IFT122: variants seen among roughly 807,000 people sequenced by gnomAD.
The protein encoded by IFT122 is intraflagellar transport protein 122 homolog.
Under a neutral mutation model 161.6 loss-of-function variants are expected in IFT122, and 118 were observed. The observed-to-expected ratio is 0.73, with a 90% confidence interval of 0.63 to 0.85. The LOEUF (loss-of-function observed/expected upper bound fraction) is 0.85. Ranked by LOEUF, IFT122 falls within the 40% of genes least tolerant of loss-of-function variation. IFT122 has a pLI of 0.00. For missense variants in IFT122, 1,381 were observed against 1,579.6 expected, an observed-to-expected ratio of 0.87 and a Z score of 2.13; for synonymous variants, 550 against 602.4, an observed-to-expected ratio of 0.91 and a Z score of 1.27.
rs1267889589 is a variant in IFT122, at chr3:129,440,339, C to T, written c.9C>T (p.Ala3=). 6.4e-7 allele frequency: 1 copy of T among 1,550,908 alleles called. No homozygotes were observed. The highest frequency in any genetic ancestry group is 1.2e-5 in the South Asian group (1 of 84,018). MR[A]VLTWRDKAEH... ...CCGTAAGGGAAGCCGTGATGAGGGC[C>T]GTGTTGACGTGGAGAGATAAAGCCG... Residue 3 remains alanine, a synonymous_variant, in exon 1 of 30, where the codon GCC becomes GCT. Transcript: ENST00000348417.
chr3:129,472,450 C>CTGGGAATA (rs2077463738), intron 9 of IFT122, among the ~76,000 whole-genome samples: 9 of 151,952 alleles, frequency 5.9e-5, no homozygotes, highest in Admixed American at 5.9e-4. Flanking sequence ...CAGGTGTGAG[C>CTGGGAATA]CACCATATCT....
chr3:129,474,513 G>A (rs996094534), intron 9 of IFT122, among the ~76,000 whole-genome samples: 1 of 152,180 alleles, frequency 6.6e-6, no homozygotes, highest in Non-Finnish European at 1.5e-5. Context: ...GGATAGGCGA[G>A]CACAAGTGCT....
chr3:129,482,707 G>T (rs1445441529), intron 14 of IFT122, among the ~76,000 whole-genome samples: 1 of 152,162 alleles, frequency 6.6e-6, no homozygotes, highest in Non-Finnish European at 1.5e-5. Context: ...CTTGGGTCCT[G>T]CCTGCATCCC....
chr3:129,507,814 G>T, intron 23 of IFT122, 52 bp downstream of exon 23: 1 of 1,348,848 alleles, frequency 7.4e-7, no homozygotes, highest in Non-Finnish European at 1.1e-6. Flanking sequence ...TGAGCTAGGG[G>T]TCCCGGGCAT....
At chr3:129,497,374 C>G (rs1282598678) in intron 18 of IFT122, among the ~76,000 whole-genome samples, 5 of 152,248 alleles carry the variant, frequency 3.3e-5, no homozygotes, top group Non-Finnish European at 5.9e-5. Flanking sequence ...CCAAACCTCC[C>G]TTCCCTTCTC....
At chr3:129,464,548 T>G in intron 6 of IFT122, 87 bp from the exon 7 acceptor site, 1 of 1,537,480 alleles carries the variant, frequency 6.5e-7, no homozygotes, top group Non-Finnish European at 9.0e-7. Context: ...CAGACTTTTA[T>G]TTCAAACCAA....
chr3:129,457,194 A>G (rs1266872463), intron 3 of IFT122, among the ~76,000 whole-genome samples: 1 of 152,218 alleles, frequency 6.6e-6, no homozygotes, highest in East Asian at 1.9e-4. Flanking sequence ...AAATGCTTAT[A>G]AATGTGGAAC....
chr3:129,457,584 ATGTTCCCTCATCTAAATTAGG>A (rs2075667434), intron 3 of IFT122, among the ~76,000 whole-genome samples: 1 of 152,168 alleles, frequency 6.6e-6, no homozygotes, highest in Non-Finnish European at 1.5e-5. Flanking sequence ...CCTTAGAGAA[ATGTTCCCTCATCTAAATTAGG>A]TCCCCCAGGA....
chr3:129,460,293 A>G (rs986776653), intron 4 of IFT122, among the ~76,000 whole-genome samples: 25 of 152,122 alleles, frequency 1.6e-4, no homozygotes, highest in Non-Finnish European at 3.1e-4. Flanking sequence ...TACATACCTC[A>G]TATAAGTAGA....
intron 3 of IFT122, among the ~76,000 whole-genome samples, chr3:129,453,626 A>G (rs979352566): frequency 1.3e-5 from 2 of 152,226 alleles, no homozygotes; most frequent in African/African-American, 2.4e-5. Context: ...GGGAGCAGAA[A>G]GTGTATACAG....
At chr3:129,500,704 A>T (rs893621550) in intron 19 of IFT122, among the ~76,000 whole-genome samples, 5 of 152,190 alleles carry the variant, frequency 3.3e-5, no homozygotes, top group Admixed American at 3.3e-4. Flanking sequence ...CAGCAGAAAC[A>T]CAGCGAGTTG....
rs1294777372 is a variant in IFT122, at chr3:129,507,702, C to A, written c.2826C>A (p.Phe942Leu). ...AGAAGGACACAATGCTTGGCAAGTT[C>A]TACCACTTCCAGCGTTTGGCAGAGC... The part of the protein sequence containing the change: ...PAQKDTMLGK[F>L]YHFQRLAELY... Residue 942 changes from phenylalanine to leucine, a missense_variant, in exon 23 of 30, where the codon TTC becomes TTA. Coordinates refer to ENST00000348417, the MANE Select transcript of IFT122 (RefSeq NM_052989.3). 9.9e-6 allele frequency: 16 copies of A among 1,614,186 alleles called. No individual in the cohort carries two copies. Among genetic ancestry groups the A allele is most frequent in the Non-Finnish European group, 1.3e-5 (15 of 1,180,014 alleles).
chr3:129,496,744 G>C, intron 18 of IFT122, among the ~76,000 whole-genome samples: 1 of 152,162 alleles, frequency 6.6e-6, no homozygotes, highest in East Asian at 1.9e-4. Context: ...GACCCAGGGT[G>C]TTCAGGCTCC....
intron 8 of IFT122, 103 bp from the exon 9 acceptor site, chr3:129,469,239 A>G: frequency 1.9e-6 from 2 of 1,035,676 alleles, no homozygotes; most frequent in South Asian, 1.3e-5. Flanking sequence ...ACATTTGGCA[A>G]CCTGAGGCCA....
chr3:129,487,932 T>A (rs2079502652), intron 15 of IFT122: 2 of 418,496 alleles, frequency 4.8e-6, no homozygotes, highest in African/African-American at 4.1e-5. Flanking sequence ...AAATAGGTAT[T>A]TTCCAGAGGC....
intron 1 of IFT122, 28 bp downstream of exon 1, chr3:129,440,399 C>A: frequency 6.5e-7 from 1 of 1,549,672 alleles, no homozygotes; most frequent in Non-Finnish European, 8.7e-7. Context: ...TCGCGAAGAG[C>A]AGGAGGTCGA....
At chr3:129,490,616 G>A (rs1394982369) in intron 16 of IFT122, among the ~76,000 whole-genome samples, 1 of 152,220 alleles carries the variant, frequency 6.6e-6, no homozygotes. Context: ...TCAGTAGCAG[G>A]CCCCTTTCCA....
intron 9 of IFT122, among the ~76,000 whole-genome samples, chr3:129,472,749 G>T (rs559166900): frequency 5.9e-5 from 9 of 152,002 alleles, no homozygotes; most frequent in Admixed American, 4.6e-4. Context: ...AGTCATCGAG[G>T]CCCTGTTATT....
intron 23 of IFT122, among the ~76,000 whole-genome samples, chr3:129,508,240 A>C (rs1447209496): frequency 6.6e-6 from 1 of 152,216 alleles, no homozygotes; most frequent in Non-Finnish European, 1.5e-5. Context: ...AAACCCAAGT[A>C]GTTCTTTTTA....
Sources: gnomAD v4.1 joint callset for allele counts (sites outside exome capture counted in the v4.1 genomes callset) on GRCh38, gnomAD v4.1.1 for gene constraint, MANE v1.5 for transcripts, NCBI Gene and HGNC (gene_info 2026-07-23, HGNC 2026-07-21) for gene names.